CFAP299: variants seen among roughly 807,000 people sequenced by gnomAD.
CFAP299 encodes cilia- and flagella-associated protein 299.
CFAP299 carries 21 observed loss-of-function variants against 27.0 expected under a neutral mutation model. The observed-to-expected ratio is 0.78, with a 90% CI of 0.55 to 1.12. The LOEUF (loss-of-function observed/expected upper bound fraction) is 1.12, where lower values mean the gene tolerates loss of function less well. CFAP299 is among the 50% of genes most tolerant of loss of function. The pLI, the probability that CFAP299 is intolerant of heterozygous loss-of-function variation, is 0.00. For synonymous variants in CFAP299, 104 were observed against 98.1 expected (o/e 1.06, Z -0.36); for missense variants, 310 against 276.6 (o/e 1.12, Z -0.86).
intron 4 of CFAP299, among the ~76,000 whole-genome samples, chr4:80,882,121 G>C (rs1315953505): frequency 6.6e-6 from 1 of 152,046 alleles, no homozygotes; most frequent in African/African-American, 2.4e-5. Context: ...TCTGCCAAGA[G>C]AATCAATATA....
intron 3 of CFAP299, among the ~76,000 whole-genome samples, chr4:80,781,558 A>G (rs1199331331): frequency 6.6e-6 from 1 of 152,080 alleles, no homozygotes; most frequent in East Asian, 1.9e-4. Context: ...GACCAAGACT[A>G]TTGGGAAGGG....
rs189144233 is a variant in CFAP299 at position 80,960,714 on chromosome 4, G to A, written c.607-2803G>A. 3.6e-3 allele frequency among the ~76,000 whole-genome samples: 548 copies of A among 151,844 alleles called. 1 individual carries two copies. The highest frequency in any genetic ancestry group is 0.014 in the Middle Eastern group (4 of 292). Reference sequence around the variant, plus strand: ...TAGTCTTAACTATTCATATTAAAAGGACTTTTACCAAAGCAACTTCTATTT... The same window carrying A: ...TAGTCTTAACTATTCATATTAAAAGAACTTTTACCAAAGCAACTTCTATTT... On this transcript the variant is annotated intron_variant, in intron 5 of 5. Transcript: ENST00000358105.
At chr4:80,836,642 T>G (rs1730575745) in intron 3 of CFAP299, among the ~76,000 whole-genome samples, 1 of 152,136 alleles carries the variant, frequency 6.6e-6, no homozygotes, top group Non-Finnish European at 1.5e-5. Flanking sequence ...GTATAATCTC[T>G]CCATCTCAAG....
chr4:80,865,658 T>C (rs1732679059), intron 3 of CFAP299, among the ~76,000 whole-genome samples: 1 of 152,102 alleles, frequency 6.6e-6, no homozygotes, highest in African/African-American at 2.4e-5. Flanking sequence ...TTTAAAAATT[T>C]CACTAAAAAG....
chr4:80,624,897 T>C (rs2109936908), intron 3 of CFAP299, among the ~76,000 whole-genome samples: 1 of 152,236 alleles, frequency 6.6e-6, no homozygotes, highest in African/African-American at 2.4e-5. Flanking sequence ...AAAACTATTC[T>C]TCAGAAATGA....
chr4:80,372,817 C>A (rs145587119), intron 2 of CFAP299, among the ~76,000 whole-genome samples: 2 of 152,046 alleles, frequency 1.3e-5, no homozygotes, highest in Admixed American at 6.5e-5. Flanking sequence ...AACATAACCC[C>A]GAGACAAAAT....
chr4:80,894,150 T>C (rs1037965316), intron 4 of CFAP299, among the ~76,000 whole-genome samples: 7 of 151,566 alleles, frequency 4.6e-5, no homozygotes, highest in African/African-American at 1.7e-4. Context: ...AATATGAAAA[T>C]CAAAATCACA....
chr4:80,950,255 C>CA (rs1434612290), intron 5 of CFAP299, among the ~76,000 whole-genome samples: 52 of 150,130 alleles, frequency 3.5e-4, no homozygotes, highest in African/African-American at 1.2e-3. Context: ...TTCCCTCCAC[C>CA]CCCCCCCTTT....
chr4:80,525,939 TTTAA>T (rs1236670763), intron 2 of CFAP299, among the ~76,000 whole-genome samples: 1 of 152,166 alleles, frequency 6.6e-6, no homozygotes, highest in African/African-American at 2.4e-5. Context: ...CATGAAACAA[TTTAA>T]TTAATTAAGG....
At chr4:80,496,615 G>C (rs992750538) in intron 2 of CFAP299, among the ~76,000 whole-genome samples, 1 of 152,196 alleles carries the variant, frequency 6.6e-6, no homozygotes, top group African/African-American at 2.4e-5. Flanking sequence ...ACCTCTGCCT[G>C]TTCCACAGTT....
At chr4:80,732,979 A>T (rs1489139738) in intron 3 of CFAP299, among the ~76,000 whole-genome samples, 1 of 152,150 alleles carries the variant, frequency 6.6e-6, no homozygotes, top group Non-Finnish European at 1.5e-5. Context: ...CACATGTGTT[A>T]TTACTAAATC....
intron 2 of CFAP299, among the ~76,000 whole-genome samples, chr4:80,406,994 AT>A (rs1190957199): frequency 6.6e-6 from 1 of 152,156 alleles, no homozygotes; most frequent in African/African-American, 2.4e-5. Context: ...TTAAACCAAA[AT>A]AGCAAAATTT....
At position 80,729,089 on chromosome 4, in the gene CFAP299, G is replaced by C. The variant is rs146449604; in HGVS notation, c.334-140904G>C. Among the ~76,000 whole-genome samples, 53 of 152,260 alleles carry C rather than the reference G, an allele frequency of 3.5e-4. 1 individual carries two copies. In the East Asian group the frequency reaches 6.8e-3, roughly 19 times the overall value. On this transcript the variant is annotated intron_variant, in intron 3 of 5. Transcript: ENST00000358105. ...GCGTTTCTACCCTAAGTATGTATCT[G>C]TCGCTCTGGGTCTGTTCAAGAAGGC...
chr4:80,585,988 A>C (rs1200874331), intron 3 of CFAP299, among the ~76,000 whole-genome samples: 4 of 152,180 alleles, frequency 2.6e-5, no homozygotes, highest in Non-Finnish European at 5.9e-5. Flanking sequence ...AATAATGGAA[A>C]GACATATAAT....
chr4:80,848,808 T>C (rs567351855), intron 3 of CFAP299, among the ~76,000 whole-genome samples: 4 of 151,884 alleles, frequency 2.6e-5, no homozygotes, highest in Non-Finnish European at 5.9e-5. Context: ...ACAAAAACAG[T>C]ATAAGAGATA....
At chr4:80,438,177 A>G (rs1728183735) in intron 2 of CFAP299, among the ~76,000 whole-genome samples, 1 of 152,210 alleles carries the variant, frequency 6.6e-6, no homozygotes, top group Non-Finnish European at 1.5e-5. Context: ...TAGAGGGGTG[A>G]GATTAGTGTG....
At chr4:80,835,462 T>G (rs1730512568) in intron 3 of CFAP299, among the ~76,000 whole-genome samples, 2 of 150,424 alleles carry the variant, frequency 1.3e-5, no homozygotes, top group Non-Finnish European at 1.5e-5. Context: ...TAAACACAAC[T>G]GAGTATAGCA....
intron 2 of CFAP299, chr4:80,386,646 T>G: frequency 3.1e-6 from 5 of 1,594,374 alleles, no homozygotes; most frequent in Non-Finnish European, 4.3e-6. Context: ...TAGTAGCCCG[T>G]GTGGGCGCGC....
chr4:80,723,296 A>G (rs953002604), intron 3 of CFAP299, among the ~76,000 whole-genome samples: 1 of 152,340 alleles, frequency 6.6e-6, no homozygotes, highest in African/African-American at 2.4e-5. Context: ...TTGTACATAA[A>G]TGGTTATTGG....
Sources: allele counts gnomAD v4.1 joint callset (sites outside exome capture counted in the v4.1 genomes callset), GRCh38; gene constraint gnomAD v4.1.1; transcripts MANE v1.5; gene names NCBI Gene and HGNC (gene_info 2026-07-23, HGNC 2026-07-21).